The following ESF1 variants were observed in gnomAD, a reference collection of about 807,000 sequenced individuals.
ESF1 encodes ESF1 nucleolar pre-rRNA processing protein, also known as ESF1 homolog.
Under a neutral mutation model 92.0 loss-of-function variants are expected in ESF1, and 58 were observed. The observed-to-expected ratio is 0.63, with a 90% CI of 0.51 to 0.78. The LOEUF is 0.78. ESF1 is among the 30% of genes least tolerant of loss of function. The probability of loss-of-function intolerance (pLI) is 0.00; values close to 1 mark genes in which losing one functional copy is unlikely to be tolerated. For synonymous variants in ESF1, 321 were observed against 313.7 expected, an observed-to-expected ratio of 1.02 and a Z score of -0.24; for missense variants, 922 against 989.1, an observed-to-expected ratio of 0.93 and a Z score of 0.91.
chr20:13,748,788 C>T (rs879845017), intron 9 of ESF1, among the ~76,000 whole-genome samples: 3 of 151,440 alleles, frequency 2.0e-5, no homozygotes, highest in Admixed American at 2.0e-4. Flanking sequence ...CAGGGTTTCA[C>T]GTGTTAGCCA....
intron 11 of ESF1, among the ~76,000 whole-genome samples, 160 bp from the exon 12 acceptor site, chr20:13,719,144 G>A (rs576856011): frequency 6.6e-6 from 1 of 152,202 alleles, no homozygotes; most frequent in African/African-American, 2.4e-5. Context: ...AAGACTGTGG[G>A]TATATGAATG....
At chr20:13,764,344 G>A (rs985660949) in intron 8 of ESF1, among the ~76,000 whole-genome samples, 13 of 152,132 alleles carry the variant, frequency 8.5e-5, no homozygotes, top group East Asian at 1.9e-4. Flanking sequence ...ATTACAACCC[G>A]GCAACCAGTT....
chr20:13,749,884 G>C (rs1187699671), intron 9 of ESF1, among the ~76,000 whole-genome samples: 1 of 151,978 alleles, frequency 6.6e-6, no homozygotes, highest in Non-Finnish European at 1.5e-5. Flanking sequence ...TCTTTTGATA[G>C]CTCATTTGAT....
rs115474776 is a variant in ESF1, at chr20:13,776,347, C to T, written c.638-77G>A. The stretch of plus-strand genomic sequence containing the variant: ...AACTGAATCCAAATTATCTTGACAT[C>T]AACTCCAGTAAAAATATAATTTCTA... On this transcript the variant is annotated intron_variant, in intron 2 of 13. Coordinates refer to ENST00000617257, the MANE Select transcript of ESF1 (RefSeq NM_001276380.2). The T allele has an allele frequency of 2.5e-4, 335 of 1,317,406 alleles. 1 individual carries two copies. In the African/African-American group the frequency reaches 4.5e-3, roughly 18 times the overall value. The allele number at this position is 1,317,406 out of a possible 1,614,324, so 81.6% of individuals were successfully genotyped here.
At chr20:13,735,470 A>G (rs1797415145) in intron 9 of ESF1, among the ~76,000 whole-genome samples, 1 of 152,128 alleles carries the variant, frequency 6.6e-6, no homozygotes, top group Admixed American at 6.5e-5. Flanking sequence ...GAAATGTGTA[A>G]TATAAAACCA....
chr20:13,768,013 A>T (rs895433550), intron 7 of ESF1, among the ~76,000 whole-genome samples: 1 of 152,232 alleles, frequency 6.6e-6, no homozygotes, highest in African/African-American at 2.4e-5. Context: ...GCCAGGACCC[A>T]GGAACTTTAG....
chr20:13,729,158 C>T (rs987308413), intron 10 of ESF1, among the ~76,000 whole-genome samples: 4 of 151,670 alleles, frequency 2.6e-5, no homozygotes, highest in Admixed American at 2.0e-4. Context: ...ACTTGGCAGG[C>T]GAGGCAGGAG....
chr20:13,721,033 G>T (rs939075954), intron 11 of ESF1, among the ~76,000 whole-genome samples: 4 of 152,188 alleles, frequency 2.6e-5, no homozygotes, highest in Non-Finnish European at 5.9e-5. Flanking sequence ...TGAGGCGGGA[G>T]AATTGCTTGA....
intron 8 of ESF1, among the ~76,000 whole-genome samples, chr20:13,765,928 TA>T (rs1470109838): frequency 6.6e-6 from 1 of 151,902 alleles, no homozygotes; most frequent in Non-Finnish European, 1.5e-5. Flanking sequence ...GTAAAAAATA[TA>T]AAAAGTGGTA....
chr20:13,744,114 C>A (rs1026690049), intron 9 of ESF1, among the ~76,000 whole-genome samples: 5 of 152,166 alleles, frequency 3.3e-5, no homozygotes, highest in Admixed American at 2.6e-4. Context: ...GAGGCCCATG[C>A]CGGACCATTG....
intron 11 of ESF1, among the ~76,000 whole-genome samples, chr20:13,720,091 G>C (rs2049857149): frequency 6.6e-6 from 1 of 152,120 alleles, no homozygotes; most frequent in Non-Finnish European, 1.5e-5. Flanking sequence ...GCTATGTCTA[G>C]GTGCTGTTAA....
chr20:13,769,990 C>G lies in ESF1; in HGVS notation c.1435G>C (p.Glu479Gln). 1 of 1,609,760 alleles carries G rather than the reference C, an allele frequency of 6.2e-7. No individual in the cohort carries two copies. The stretch of plus-strand genomic sequence containing the variant: ...ACTTCTGAGGCTACATCCTTAGGCT[C>G]ATCATCAAAAGTAATATCATCTGGT... ...FIPDDITFDD[E>Q]PKDVASEVNL... Residue 479 changes from glutamate (E) to glutamine (Q), a missense_variant, in exon 7 of 14, where the codon GAG (glutamate) becomes CAG (glutamine). Physicochemically the swap from Glu to Gln is conservative, Grantham distance 29. Transcript: ENST00000617257.
rs376918974 is a variant in ESF1, at chr20:13,770,025, A to G, written c.1404-4T>C. On this transcript the variant is annotated splice_polypyrimidine_tract_variant and splice_region_variant and intron_variant, in intron 6 of 13. Transcript: ENST00000617257. Reference sequence around the variant, plus strand: ...AGTAATATCATCTGGTATAAACCTAAGAAGTAAAGAAAAAAAATTTATTTA... The same window carrying G: ...AGTAATATCATCTGGTATAAACCTAGGAAGTAAAGAAAAAAAATTTATTTA... 7.1e-6 allele frequency: 11 copies of G among 1,552,340 alleles called. No individual in the cohort carries two copies. The highest frequency in any genetic ancestry group is 1.4e-5 in the African/African-American group (1 of 72,566).
rs763519513 is a variant in ESF1, at chr20:13,766,900, C to G, written c.1543G>C (p.Asp515His). 1.2e-6 allele frequency: 2 copies of G among 1,612,152 alleles called. No homozygotes were observed. The highest frequency in any genetic ancestry group is 1.7e-5 in the Admixed American group (1 of 59,532). The stretch of plus-strand genomic sequence containing the variant: ...TTGAGCATTGTAATTCTTTCATGAT[C>G]AGTCTCATCCCAAGTGATTTCCACC... ...STVEITWDET[D>H]HERITMLNRK... The change falls in exon 8 of 14, where the codon GAT becomes CAT. Residue 515 changes from aspartate (D) to histidine (H), a missense_variant. Asp to His is a moderately conservative substitution (Grantham distance 81). Coordinates refer to ENST00000617257, the MANE Select transcript of ESF1 (RefSeq NM_001276380.2).
At chr20:13,737,728 A>C (rs1027264127) in intron 9 of ESF1, among the ~76,000 whole-genome samples, 1 of 152,096 alleles carries the variant, frequency 6.6e-6, no homozygotes, top group African/African-American at 2.4e-5. Flanking sequence ...ATCTCTGCTC[A>C]CTGCAACCTC....
rs574548197 is a variant in ESF1 at position 13,760,663 on chromosome 20, C to T, written c.1667-810G>A. On this transcript the variant is annotated intron_variant, in intron 8 of 13. Coordinates refer to ENST00000617257, the MANE Select transcript of ESF1 (RefSeq NM_001276380.2). ...GCAGCCGCCCTGTCCGGGAGGGAGG[C>T]GGGGGGTCAGCCCCTGCCAGGCCAG... Among the ~76,000 whole-genome samples the T allele has an allele frequency of 5.3e-3, 792 of 149,872 alleles. 3 individuals are homozygous for T. The highest frequency in any genetic ancestry group is 0.019 in the South Asian group (90 of 4,684).
At chr20:13,753,770 T>A (rs1397027811) in intron 9 of ESF1, among the ~76,000 whole-genome samples, 2 of 152,172 alleles carry the variant, frequency 1.3e-5, no homozygotes, top group East Asian at 3.9e-4. Context: ...TTTCCAAGCA[T>A]CCTACTCTTC....
intron 11 of ESF1, among the ~76,000 whole-genome samples, chr20:13,726,432 C>A (rs141048552): frequency 6.6e-6 from 1 of 152,256 alleles, no homozygotes; most frequent in East Asian, 1.9e-4. Context: ...CCACTCTCCC[C>A]TCATTTGCAA....
chr20:13,774,906 T>G (rs1979854544), intron 4 of ESF1, among the ~76,000 whole-genome samples: 2 of 152,208 alleles, frequency 1.3e-5, no homozygotes, highest in Admixed American at 1.3e-4. Flanking sequence ...TCTTATATGC[T>G]GTCCCTTTAC....
Sources: allele counts gnomAD v4.1 joint callset (sites outside exome capture counted in the v4.1 genomes callset), GRCh38; gene constraint gnomAD v4.1.1; transcripts MANE v1.5; gene names NCBI Gene and HGNC (gene_info 2026-07-23, HGNC 2026-07-21).